NCKAP5: variants seen among roughly 807,000 people sequenced by gnomAD.
NCKAP5 encodes NCK associated protein 5.
NCKAP5 carries 92 observed loss-of-function variants against 167.0 expected under a neutral mutation model. The ratio of observed to expected loss-of-function variants is 0.55; its 90% CI spans 0.47 to 0.66. The LOEUF (loss-of-function observed/expected upper bound fraction) is 0.66. Ranked by LOEUF, NCKAP5 falls within the 30% of genes least tolerant of loss-of-function variation. The pLI is 0.00. For missense variants in NCKAP5, 2,378 were observed against 2,315.0 expected (o/e 1.03, Z -0.56); for synonymous variants, 891 against 877.4 (o/e 1.02, Z -0.27).
At chr2:132,718,143 C>A (rs1211640772) in intron 19 of NCKAP5, among the ~76,000 whole-genome samples, 3 of 152,126 alleles carry the variant, frequency 2.0e-5, no homozygotes, top group Non-Finnish European at 2.9e-5. Context: ...CAGGGCTGTG[C>A]CATTGAACCT....
At chr2:133,391,625 C>G (rs1687412674) in intron 3 of NCKAP5, among the ~76,000 whole-genome samples, 1 of 152,160 alleles carries the variant, frequency 6.6e-6, no homozygotes, top group African/African-American at 2.4e-5. Context: ...CTCCCCAGCC[C>G]TCTTCCCCGC....
intron 6 of NCKAP5, among the ~76,000 whole-genome samples, chr2:133,042,803 T>A (rs2079258534): frequency 6.6e-6 from 1 of 152,296 alleles, no homozygotes; most frequent in Admixed American, 6.5e-5. Flanking sequence ...GGAGTAAAAA[T>A]CAGCCATTTC....
chr2:133,044,206 C>T (rs911263378), intron 6 of NCKAP5, among the ~76,000 whole-genome samples: 2 of 152,024 alleles, frequency 1.3e-5, no homozygotes, highest in Non-Finnish European at 1.5e-5. Flanking sequence ...TAAGCAGAAT[C>T]GCAGAAGTAC....
chr2:133,167,644 T>G (rs2149973932), intron 5 of NCKAP5, among the ~76,000 whole-genome samples: 1 of 152,306 alleles, frequency 6.6e-6, no homozygotes, highest in African/African-American at 2.4e-5. Context: ...AACTGCACCA[T>G]GATACCCTGG....
intron 16 of NCKAP5, among the ~76,000 whole-genome samples, chr2:132,740,097 C>T (rs1458095626): frequency 6.6e-6 from 1 of 152,108 alleles, no homozygotes; most frequent in Non-Finnish European, 1.5e-5. Flanking sequence ...TTTTTCCCCT[C>T]TGCAACCCTC....
At chr2:133,616,921 G>A in the NCKAP5 span, among the ~76,000 whole-genome samples, 20 of 152,254 alleles carry the variant, frequency 1.3e-4, no homozygotes, top group Admixed American at 4.6e-4. Context: ...CTGGCAAACC[G>A]AATTCAGCAG....
chr2:133,116,599 A>T (rs1030592857), intron 6 of NCKAP5, among the ~76,000 whole-genome samples: 2 of 152,102 alleles, frequency 1.3e-5, no homozygotes, highest in African/African-American at 4.8e-5. Flanking sequence ...GGAAGAAAAA[A>T]CTTTAGTAAA....
chr2:133,632,147 G>A, the NCKAP5 span, among the ~76,000 whole-genome samples: 3 of 152,212 alleles, frequency 2.0e-5, no homozygotes, highest in Non-Finnish European at 4.4e-5. Flanking sequence ...TTCACCAGGG[G>A]GAGGACTAGG....
intron 2 of NCKAP5, among the ~76,000 whole-genome samples, chr2:133,526,348 T>C (rs1051403892): frequency 4.2e-5 from 6 of 144,442 alleles, no homozygotes; most frequent in African/African-American, 1.3e-4. Context: ...AGGGAATACA[T>C]GTCCTCAAAT....
chr2:132,877,812 A>T (rs1691399265), intron 9 of NCKAP5, among the ~76,000 whole-genome samples: 1 of 152,196 alleles, frequency 6.6e-6, no homozygotes, highest in Non-Finnish European at 1.5e-5. Flanking sequence ...GGAGTTTGTT[A>T]GAAGAGATTT....
chr2:132,780,902 G>C lies in NCKAP5; in HGVS notation c.5049+150C>G, dbSNP rs145318054. 5 of 828,158 alleles carry C rather than the reference G, an allele frequency of 6.0e-6. No individual in the cohort carries two copies. The African/African-American group carries it at 8.7e-5, about 14-fold the overall frequency. 51.3% of individuals were successfully genotyped at this position (828,158 alleles called of 1,614,324 possible). The stretch of plus-strand genomic sequence containing the variant: ...CTGCTGCAGTTGTCACCAGGATTTC[G>C]CTCTCTTTTTACAAATCCTTTTTCA... On this transcript the variant is annotated intron_variant, in intron 15 of 19. Transcript: ENST00000409261.
rs747891814 is a variant in NCKAP5, at chr2:132,784,027, G to A, written c.2784C>T (p.Ser928=). The change falls in exon 14 of 20, where the codon TCC becomes TCT. Residue 928 remains serine, a synonymous_variant. Transcript: ENST00000409261. ...CGGACCTGCCTGGAGGGGGCGGAGG[G>A]GAAGGGGATTTCACCCCTGCCTCCG... ...SGPEAGVKSP[S]PPPPPGRSVS... is the part of the protein sequence containing the mutation. 6.4e-7 allele frequency: 1 copy of A among 1,556,732 alleles called. No individual in the cohort carries two copies. The highest frequency in any genetic ancestry group is 1.2e-5 in the South Asian group (1 of 81,520).
At position 132,979,915 on chromosome 2, in the gene NCKAP5, G is replaced by A. The variant is rs554865381; in HGVS notation, c.429+14237C>T. 2.0e-5 allele frequency among the ~76,000 whole-genome samples: 3 copies of A among 152,178 alleles called. No individual in the cohort carries two copies. The South Asian group carries it at 6.2e-4, about 32-fold the overall frequency. On this transcript the variant is annotated intron_variant, in intron 7 of 19. Transcript: ENST00000409261. ...CACAGCCATGAGACCACAGCCACAG[G>A]AAGCTTTCACATAGTGAGCAAGAAA...
At chr2:133,649,092 A>G in the NCKAP5 span, among the ~76,000 whole-genome samples, 22 of 151,950 alleles carry the variant, frequency 1.4e-4, no homozygotes, top group African/African-American at 5.1e-4. Flanking sequence ...AAAGGCTCAT[A>G]AAGACGACTA....
chr2:133,444,360 A>G (rs1467004573), intron 3 of NCKAP5, among the ~76,000 whole-genome samples: 1 of 73,282 alleles, frequency 1.4e-5, no homozygotes, highest in Non-Finnish European at 3.3e-5. Flanking sequence ...ACAAAGATAG[A>G]TAGATAGATA....
chr2:133,439,371 C>T (rs1350228105), intron 3 of NCKAP5, among the ~76,000 whole-genome samples: 1 of 152,164 alleles, frequency 6.6e-6, no homozygotes, highest in African/African-American at 2.4e-5. Flanking sequence ...ATATATTGCT[C>T]TTTTCAGAAG....
At chr2:133,200,061 C>CTTTTTTTTTTTTT (rs70973417) in intron 5 of NCKAP5, among the ~76,000 whole-genome samples, 2 of 109,394 alleles carry the variant, frequency 1.8e-5, no homozygotes, top group African/African-American at 3.4e-5. Context: ...TTTTTTCTTT[C>CTTTTTTTTTTTTT]TTTTTTTTTT....
intron 6 of NCKAP5, among the ~76,000 whole-genome samples, chr2:133,098,896 T>G (rs1056727089): frequency 6.6e-6 from 1 of 152,224 alleles, no homozygotes; most frequent in African/African-American, 2.4e-5. Context: ...TAAATTGGTG[T>G]TTAATTGTTT....
chr2:133,079,505 C>T (rs2080731307), intron 6 of NCKAP5, among the ~76,000 whole-genome samples: 1 of 151,998 alleles, frequency 6.6e-6, no homozygotes. Flanking sequence ...CTATTTTTGC[C>T]CAGTAGAAAG....
Sources: allele counts gnomAD v4.1 joint callset (sites outside exome capture counted in the v4.1 genomes callset), GRCh38; gene constraint gnomAD v4.1.1; transcripts MANE v1.5; gene names NCBI Gene and HGNC (gene_info 2026-07-23, HGNC 2026-07-21).